TMTC1: variants seen among roughly 807,000 people sequenced by gnomAD.
TMTC1 encodes the protein transmembrane O-mannosyltransferase targeting cadherins 1.
In TMTC1, 73 loss-of-function variants were observed where a neutral mutation model predicts 104.8. The observed-to-expected ratio is 0.70, with a 90% confidence interval of 0.58 to 0.85. The LOEUF (loss-of-function observed/expected upper bound fraction) is 0.85. TMTC1 is among the 40% of genes least tolerant of loss of function. The probability of loss-of-function intolerance (pLI) is 0.00; values close to 1 mark genes in which losing one functional copy is unlikely to be tolerated. For missense variants in TMTC1, 1,035 were observed against 1,096.1 expected (o/e 0.94, Z 0.79); for synonymous variants, 434 against 428.7 (o/e 1.01, Z -0.15).
intron 12 of TMTC1, among the ~76,000 whole-genome samples, chr12:29,518,945 C>T (rs1417764001): frequency 6.6e-6 from 1 of 152,084 alleles, no homozygotes; most frequent in African/African-American, 2.4e-5. Flanking sequence ...TGTTATTTAT[C>T]CAAGATATAA....
intron 5 of TMTC1, among the ~76,000 whole-genome samples, chr12:29,647,228 C>A (rs1449914251): frequency 6.6e-6 from 1 of 152,074 alleles, no homozygotes; most frequent in Non-Finnish European, 1.5e-5. Flanking sequence ...CCATATTGGT[C>A]ATGCTGGTCT....
intron 8 of TMTC1, among the ~76,000 whole-genome samples, chr12:29,573,606 G>A (rs1945741014): frequency 6.6e-6 from 1 of 152,150 alleles, no homozygotes; most frequent in Admixed American, 6.6e-5. Flanking sequence ...ATCAAGAGGA[G>A]GCTTCCAGAA....
chr12:29,748,867 T>A (rs1036187021), intron 5 of TMTC1, among the ~76,000 whole-genome samples: 3 of 152,202 alleles, frequency 2.0e-5, no homozygotes, highest in African/African-American at 7.2e-5. Context: ...AAATTAAATA[T>A]GTCATATTTT....
chr12:29,694,055 CT>C (rs1941341585), intron 5 of TMTC1, among the ~76,000 whole-genome samples: 1 of 152,124 alleles, frequency 6.6e-6, no homozygotes. Context: ...CAAATATTAG[CT>C]GCAGCTTAAT....
intron 7 of TMTC1, among the ~76,000 whole-genome samples, chr12:29,591,386 C>A (rs1946277621): frequency 6.6e-6 from 1 of 152,192 alleles, no homozygotes; most frequent in African/African-American, 2.4e-5. Context: ...GTCCGGCTTG[C>A]TCTGGTCAGA....
At chr12:29,574,718 A>G (rs1945774139) in intron 8 of TMTC1, among the ~76,000 whole-genome samples, 1 of 152,102 alleles carries the variant, frequency 6.6e-6, no homozygotes, top group Admixed American at 6.6e-5. Flanking sequence ...TTATACGGGC[A>G]CCACCCCTAC....
intron 6 of TMTC1, among the ~76,000 whole-genome samples, chr12:29,614,430 G>T (rs1169170223): frequency 6.6e-6 from 1 of 152,076 alleles, no homozygotes; most frequent in Non-Finnish European, 1.5e-5. Context: ...TGACATGATG[G>T]AATAACGCTC....
chr12:29,778,769 G>A (rs958251474), intron 1 of TMTC1, among the ~76,000 whole-genome samples: 1 of 152,228 alleles, frequency 6.6e-6, no homozygotes, highest in Non-Finnish European at 1.5e-5. Flanking sequence ...GAAAACCAGA[G>A]CCACCATGAG....
chr12:29,561,337 T>C lies in TMTC1; in HGVS notation c.1533-4337A>G, dbSNP rs544700511. Among the ~76,000 whole-genome samples the C allele has an allele frequency of 2.0e-5, 3 of 152,358 alleles. No individual in the cohort carries two copies. In the South Asian group the frequency reaches 6.2e-4, roughly 32 times the overall value. ...CCATTTGGAATAATTCTTTTCATCT[T>C]GTTGTTTCTTTGGCTAAATCATTCA... is the stretch of plus-strand genomic sequence containing the variant. On this transcript the variant is annotated intron_variant, in intron 9 of 17. Coordinates refer to ENST00000539277, the MANE Select transcript of TMTC1 (RefSeq NM_001193451.2).
intron 5 of TMTC1, among the ~76,000 whole-genome samples, chr12:29,657,804 A>G (rs566716190): frequency 4.0e-4 from 61 of 152,200 alleles, no homozygotes; most frequent in Non-Finnish European, 7.5e-4. Context: ...GATCACTGGC[A>G]GACATAAAAA....
At chr12:29,608,948 GCA>G (rs1565707008) in intron 6 of TMTC1, among the ~76,000 whole-genome samples, 1 of 151,992 alleles carries the variant, frequency 6.6e-6, no homozygotes, top group East Asian at 1.9e-4. Context: ...GCAAAGACAC[GCA>G]CACACACACT....
intron 2 of TMTC1, among the ~76,000 whole-genome samples, chr12:29,767,543 C>A (rs913179384): frequency 2.0e-5 from 3 of 152,148 alleles, no homozygotes; most frequent in Admixed American, 2.0e-4. Flanking sequence ...AAATTATCTG[C>A]AAATACAAAA....
At chr12:29,675,937 T>C (rs928061475) in intron 5 of TMTC1, among the ~76,000 whole-genome samples, 2 of 152,220 alleles carry the variant, frequency 1.3e-5, no homozygotes, top group African/African-American at 2.4e-5. Flanking sequence ...AATGGAATTA[T>C]AATGACTTTG....
chr12:29,713,541 A>G (rs1014452317), intron 5 of TMTC1, among the ~76,000 whole-genome samples: 3 of 152,156 alleles, frequency 2.0e-5, no homozygotes, highest in Admixed American at 2.0e-4. Flanking sequence ...TACACATTTC[A>G]TTACACAATA....
In TMTC1 at chr12:29,501,799, A is replaced by G. The variant is rs1486858992; in HGVS notation, c.*5047T>C. The G allele has an allele frequency of 6.6e-6, 1 of 152,184 alleles. No homozygotes were observed. Among genetic ancestry groups the G allele is most frequent in the Non-Finnish European group, 1.5e-5 (1 of 68,032 alleles). The allele number at this position is 152,184 out of a possible 1,614,324, so 9.4% of individuals were successfully genotyped here. On this transcript the variant is annotated 3_prime_UTR_variant, in exon 18 of 18. Coordinates refer to ENST00000539277, the MANE Select transcript of TMTC1 (RefSeq NM_001193451.2). ...CAGGCCCTAAAGATTTTAATTGAAAAGATCAATTAAAATCAATATTTTAAT... is the reference window on the plus strand; with the variant it reads ...CAGGCCCTAAAGATTTTAATTGAAAGGATCAATTAAAATCAATATTTTAAT...
chr12:29,518,650 T>C, intron 12 of TMTC1, 43 bp from the exon 13 acceptor site: 1 of 1,601,302 alleles, frequency 6.2e-7, no homozygotes, highest in Admixed American at 1.7e-5. Context: ...CATGCCTTTT[T>C]ATAAAAGACA....
intron 7 of TMTC1, among the ~76,000 whole-genome samples, chr12:29,596,659 T>C (rs1702000573): frequency 1.3e-5 from 2 of 152,268 alleles, no homozygotes; most frequent in Admixed American, 1.3e-4. Context: ...TAACTGAAAA[T>C]GCACATCAAC....
At chr12:29,691,386 A>AC (rs1051801030) in intron 5 of TMTC1, among the ~76,000 whole-genome samples, 3 of 152,006 alleles carry the variant, frequency 2.0e-5, no homozygotes, top group African/African-American at 7.2e-5. Flanking sequence ...GCAAGCCCCT[A>AC]CCCGCCAGAT....
intron 1 of TMTC1, among the ~76,000 whole-genome samples, chr12:29,781,004 T>A (rs1943822725): frequency 6.6e-6 from 1 of 152,336 alleles, no homozygotes; most frequent in East Asian, 1.9e-4. Context: ...ATGTGAAGTA[T>A]CTAGGCCAAT....
Sources: allele counts gnomAD v4.1 joint callset (sites outside exome capture counted in the v4.1 genomes callset), GRCh38; gene constraint gnomAD v4.1.1; transcripts MANE v1.5; gene names NCBI Gene and HGNC (gene_info 2026-07-23, HGNC 2026-07-21).